ANKS1A: variants seen among roughly 807,000 people sequenced by gnomAD.
ANKS1A encodes ankyrin repeat and SAM domain-containing protein 1A.
A neutral mutation model predicts 120.3 loss-of-function variants in ANKS1A; 55 were observed. That is an observed-to-expected ratio of 0.46 (90% CI 0.37 to 0.57). ANKS1A has a LOEUF of 0.57. Ranked by LOEUF, ANKS1A falls within the 20% of genes least tolerant of loss-of-function variation. The pLI is 0.00. For missense variants in ANKS1A, 1,123 were observed against 1,480.3 expected (o/e 0.76, Z 3.96); for synonymous variants, 590 against 604.7 (o/e 0.98, Z 0.36).
rs558448759 is a variant in ANKS1A at position 34,904,610 on chromosome 6, C to T, written c.197+15011C>T. Among the ~76,000 whole-genome samples the T allele has an allele frequency of 2.6e-5, 4 of 152,060 alleles. No homozygotes were observed. The South Asian group carries it at 6.2e-4, about 24-fold the overall frequency. ...AGCTGTGTGTGGTGGCGCACGCCTG[C>T]AGTCCCAGCTACTTGGGAGGCTGAG... On this transcript the variant is annotated intron_variant, in intron 1 of 23. Transcript: ENST00000360359.
chr6:34,925,244 G>A (rs896962321), intron 1 of ANKS1A, among the ~76,000 whole-genome samples: 1 of 151,408 alleles, frequency 6.6e-6, no homozygotes, highest in African/African-American at 2.4e-5. Context: ...TTTTTGTTTT[G>A]GGCATTCTAT....
intron 11 of ANKS1A, among the ~76,000 whole-genome samples, chr6:35,051,198 A>G (rs78724467): frequency 2.7e-5 from 4 of 149,850 alleles, no homozygotes; most frequent in Non-Finnish European, 5.9e-5. Context: ...TGTCTCAAAG[A>G]AAAAAAAAAG....
intron 10 of ANKS1A, among the ~76,000 whole-genome samples, chr6:35,016,757 AC>A (rs1774023693): frequency 1.8e-5 from 2 of 109,308 alleles, no homozygotes. Context: ...CAAGATGTGC[AC>A]ATTCTCAAAA....
At chr6:35,051,265 CCT>C (rs1775948798) in intron 11 of ANKS1A, among the ~76,000 whole-genome samples, 1 of 152,068 alleles carries the variant, frequency 6.6e-6, no homozygotes, top group Non-Finnish European at 1.5e-5. Context: ...GTGGGTGACT[CCT>C]GGGGCAAGCA....
At chr6:34,947,142 CTT>C (rs71002514) in intron 1 of ANKS1A, among the ~76,000 whole-genome samples, 110 of 101,990 alleles carry the variant, frequency 1.1e-3, no homozygotes, top group African/African-American at 4.0e-3. Flanking sequence ...ATAGTAGACT[CTT>C]TTTTTTTTTT....
At chr6:34,951,199 A>G (rs768205818) in intron 1 of ANKS1A, among the ~76,000 whole-genome samples, 1 of 152,126 alleles carries the variant, frequency 6.6e-6, no homozygotes, top group Non-Finnish European at 1.5e-5. Context: ...GCCTCGTTTT[A>G]TAGATTATTT....
In ANKS1A at chr6:34,982,127, T is replaced by A; in HGVS notation, c.732+141T>A. 1 of 1,075,322 alleles carries A rather than the reference T, an allele frequency of 9.3e-7. No homozygotes were observed. The highest frequency in any genetic ancestry group is 1.3e-6 in the Non-Finnish European group (1 of 764,888). 66.6% of individuals were successfully genotyped at this position (1,075,322 alleles called of 1,614,324 possible). A position where few individuals can be genotyped will look rare whatever the true frequency, so the allele number is the denominator to read the frequency against. On this transcript the variant is annotated intron_variant, in intron 4 of 23. Coordinates refer to ENST00000360359, the MANE Select transcript of ANKS1A (RefSeq NM_015245.3). The surrounding 1 kb of genome is among the most constrained non-coding windows in gnomAD (Gnocchi z 4.9). The stretch of plus-strand genomic sequence containing the variant: ...CAAATGCTTATTTGCCGACTCATTC[T>A]AATGTGACACTAAGAAACAAATGAA...
At chr6:34,905,529 C>T (rs187376987) in intron 1 of ANKS1A, among the ~76,000 whole-genome samples, 43 of 152,340 alleles carry the variant, frequency 2.8e-4, no homozygotes, top group African/African-American at 1.0e-3. Context: ...GCTTTACATA[C>T]ATTTATTTGC....
At chr6:34,987,374 G>A (rs1772267918) in intron 8 of ANKS1A, among the ~76,000 whole-genome samples, 1 of 152,102 alleles carries the variant, frequency 6.6e-6, no homozygotes, top group South Asian at 2.1e-4. Flanking sequence ...AGGCTTCTAC[G>A]ATGAGTTCTT....
Position 35,089,835 on chromosome 6 carries a change from G to C in ANKS1A, c.*1226G>C. The C allele has an allele frequency of 1.9e-6, 2 of 1,046,628 alleles. No individual in the cohort carries two copies. The highest frequency in any genetic ancestry group is 1.2e-6 in the Non-Finnish European group (1 of 867,280). The allele number at this position is 1,046,628 out of a possible 1,614,324, so 64.8% of individuals were successfully genotyped here. ...TTTGAGAGGCAAAGTTGGCTCAGCT[G>C]TGTGCCCAGTTCCTCCTGTGGGCAC... On this transcript the variant is annotated 3_prime_UTR_variant, in exon 24 of 24. Coordinates refer to ENST00000360359, the MANE Select transcript of ANKS1A (RefSeq NM_015245.3).
chr6:34,944,735 G>A (rs754440885), intron 1 of ANKS1A, among the ~76,000 whole-genome samples: 3 of 152,020 alleles, frequency 2.0e-5, no homozygotes, highest in Non-Finnish European at 2.9e-5. Flanking sequence ...CTGCAAATAC[G>A]GTTTCGTTGA....
At chr6:35,018,083 G>C in intron 11 of ANKS1A, 24 bp downstream of exon 11, 1 of 1,603,170 alleles carries the variant, frequency 6.2e-7, no homozygotes, top group Non-Finnish European at 8.5e-7. Context: ...GACGTCACAG[G>C]GAGCTGGGCT....
chr6:35,054,072 T>A, intron 11 of ANKS1A, 27 bp from the exon 12 acceptor site: 1 of 1,607,040 alleles, frequency 6.2e-7, no homozygotes, highest in Non-Finnish European at 8.5e-7. Flanking sequence ...TGACTGCCTC[T>A]CCTCTTTGTT....
At chr6:35,067,526 C>T (rs898282829) in intron 13 of ANKS1A, among the ~76,000 whole-genome samples, 4 of 152,082 alleles carry the variant, frequency 2.6e-5, no homozygotes, top group Non-Finnish European at 1.5e-5. Flanking sequence ...GAGTGACGGG[C>T]GTGCTTGAGT....
chr6:34,995,844 C>T (rs772682666), intron 10 of ANKS1A, among the ~76,000 whole-genome samples: 1 of 152,148 alleles, frequency 6.6e-6, no homozygotes, highest in Admixed American at 6.5e-5. Context: ...TTGGCAATTA[C>T]AAATAAATCA....
At chr6:35,074,461 G>C (rs1406306636) in intron 13 of ANKS1A, among the ~76,000 whole-genome samples, 1 of 152,056 alleles carries the variant, frequency 6.6e-6, no homozygotes, top group Non-Finnish European at 1.5e-5. Flanking sequence ...GCCAGGCATG[G>C]TGGTACATGC....
At chr6:34,931,929 T>C (rs1430813597) in intron 1 of ANKS1A, among the ~76,000 whole-genome samples, 2 of 152,230 alleles carry the variant, frequency 1.3e-5, no homozygotes, top group African/African-American at 2.4e-5. Flanking sequence ...CAGAATTTAA[T>C]GAGCATATAT....
At chr6:34,958,314 A>T (rs1770467271) in intron 1 of ANKS1A, among the ~76,000 whole-genome samples, 1 of 152,170 alleles carries the variant, frequency 6.6e-6, no homozygotes, top group South Asian at 2.1e-4. Flanking sequence ...CCTGCATTTG[A>T]CAAGGTCCTG....
At chr6:35,009,429 A>T (rs1773625991) in intron 10 of ANKS1A, among the ~76,000 whole-genome samples, 1 of 152,146 alleles carries the variant, frequency 6.6e-6, no homozygotes, top group African/African-American at 2.4e-5. Context: ...GGGAGGGGGC[A>T]TGTTTGAGGG....
Sources: allele counts gnomAD v4.1 joint callset (sites outside exome capture counted in the v4.1 genomes callset), GRCh38; gene constraint gnomAD v4.1.1; non-coding constraint Gnocchi (gnomAD v3.1); transcripts MANE v1.5; gene names NCBI Gene and HGNC (gene_info 2026-07-23, HGNC 2026-07-21).